The following RARB variants were observed in gnomAD, a reference collection of about 807,000 sequenced individuals.
RARB encodes retinoic acid receptor beta, also known as HBV-activated protein.
RARB carries 17 observed loss-of-function variants against 51.9 expected under a neutral mutation model. The ratio of observed to expected loss-of-function variants is 0.33; its 90% CI spans 0.22 to 0.49. RARB has a LOEUF of 0.49. Ranked by LOEUF, RARB falls within the 20% of genes least tolerant of loss-of-function variation. The pLI is 0.99. For missense variants in RARB, 369 were observed against 550.8 expected, an observed-to-expected ratio of 0.67 and a Z score of 3.30; for synonymous variants, 215 against 195.4, an observed-to-expected ratio of 1.10 and a Z score of -0.84.
chr3:25,162,451 A>T (rs1700488358), intron 4 of RARB, among the ~76,000 whole-genome samples: 1 of 152,088 alleles, frequency 6.6e-6, no homozygotes. Context: ...AACAACATTC[A>T]CCATTTTAAG....
chr3:25,560,969 G>A (rs1410244069), intron 3 of RARB, among the ~76,000 whole-genome samples: 1 of 152,124 alleles, frequency 6.6e-6, no homozygotes, highest in Non-Finnish European at 1.5e-5. Flanking sequence ...TTGCAATCAT[G>A]TATATATCTA....
chr3:25,317,864 A>G (rs1460450989), intron 5 of RARB, among the ~76,000 whole-genome samples: 2 of 152,180 alleles, frequency 1.3e-5, no homozygotes, highest in Non-Finnish European at 2.9e-5. Flanking sequence ...TACACTATGA[A>G]TCACATGTGC....
intron 3 of RARB, chr3:25,555,716 G>A (rs1397740423): frequency 6.6e-6 from 1 of 152,130 alleles, no homozygotes; most frequent in Admixed American, 6.5e-5. Flanking sequence ...TGTCTTACTG[G>A]TACTGATCTT....
intron 3 of RARB, among the ~76,000 whole-genome samples, chr3:25,061,841 AAG>A (rs1267248650): frequency 5.9e-5 from 9 of 151,800 alleles, no homozygotes; most frequent in African/African-American, 2.2e-4. Flanking sequence ...TTTTTGAAAA[AAG>A]AACTTACCCA....
intron 2 of RARB, among the ~76,000 whole-genome samples, chr3:24,913,400 CTCTTTTTTT>C (rs1695041374): frequency 7.5e-6 from 1 of 132,530 alleles, no homozygotes; most frequent in East Asian, 2.2e-4. Context: ...CTCTCTCTCT[CTCTTTTTTT>C]TTTTTTTTTT....
intron 5 of RARB, among the ~76,000 whole-genome samples, chr3:25,319,226 C>G (rs1704500589): frequency 6.6e-6 from 1 of 152,168 alleles, no homozygotes; most frequent in South Asian, 2.1e-4. Flanking sequence ...TTCTCACCCT[C>G]TTATCCTGGT....
rs1708348559 is a variant in RARB, at chr3:25,434,546, C to CCT, written c.157+5658_157+5659insCT. Among the ~76,000 whole-genome samples, 82 of 57,546 alleles carry CCT rather than the reference C, an allele frequency of 1.4e-3. 1 individual carries two copies. The highest frequency in any genetic ancestry group is 5.2e-3 in the South Asian group (8 of 1,544). 37.8% of individuals were successfully genotyped at this position (57,546 alleles called of 152,430 possible). A position where few individuals can be genotyped will look rare whatever the true frequency, so the allele number is the denominator to read the frequency against. On this transcript the variant is annotated intron_variant, in intron 1 of 7. Coordinates refer to ENST00000330688, the MANE Select transcript of RARB (RefSeq NM_000965.5). ...TGGTACTCCTTTTTTTTTTTTTTTTCTTTTTTTTTTTTTGAGATGGAGTCT... is the reference window on the plus strand; with the variant it reads ...TGGTACTCCTTTTTTTTTTTTTTTTCCTTTTTTTTTTTTTTGAGATGGAGTCT...
intron 4 of RARB, among the ~76,000 whole-genome samples, chr3:25,150,958 G>A (rs180851460): frequency 9.8e-5 from 15 of 152,314 alleles, no homozygotes; most frequent in East Asian, 3.9e-4. Context: ...TGTGATATAC[G>A]TTGGGGGTGA....
At chr3:25,373,926 T>C (rs552030075) in intron 5 of RARB, among the ~76,000 whole-genome samples, 2 of 152,306 alleles carry the variant, frequency 1.3e-5, no homozygotes, top group Admixed American at 1.3e-4. Flanking sequence ...CAGAGCAGTG[T>C]CTGGCTAGAT....
At chr3:25,143,465 A>C (rs1603981) in intron 4 of RARB, among the ~76,000 whole-genome samples, 37 of 152,164 alleles carry the variant, frequency 2.4e-4, no homozygotes, top group Non-Finnish European at 4.7e-4. Flanking sequence ...CCCGATCCAA[A>C]AGATGATGAG....
At chr3:25,005,605 A>G (rs557714035) in intron 2 of RARB, among the ~76,000 whole-genome samples, 1 of 152,276 alleles carries the variant, frequency 6.6e-6, no homozygotes, top group South Asian at 2.1e-4. Context: ...AATATTGTTT[A>G]TGACCTAGCC....
Position 25,391,558 on chromosome 3 carries a change from C to A in RARB, c.179-69635C>A, listed in dbSNP as rs74821780. On this transcript the variant is annotated intron_variant, in intron 5 of 11. Coordinates refer to the RARB transcript ENST00000383772. ...TTTGCCACATCCATACCAGCATCTA[C>A]TATTTTTATGTTTTAATTATGATTC... 3.5e-3 allele frequency among the ~76,000 whole-genome samples: 531 copies of A among 152,074 alleles called. 27 individuals carry two copies. In the East Asian group the frequency reaches 0.087, roughly 25 times the overall value.
rs1314606493 is a variant in RARB at position 25,398,421 on chromosome 3, T to C, written c.179-62772T>C. Among the ~76,000 whole-genome samples the C allele has an allele frequency of 5.0e-4, 76 of 152,304 alleles. 2 individuals carry two copies. The highest frequency in any genetic ancestry group is 1.5e-4 in the Non-Finnish European group (10 of 68,002). On this transcript the variant is annotated intron_variant, in intron 5 of 11. Coordinates refer to the RARB transcript ENST00000383772. ...TTTAATATATCAGCTTTCACAAAGA[T>C]AGACGGTATCACTAAGACAAAACAA...
chr3:25,174,473 C>T (rs751173020), exon 5 of RARB: 2 of 1,352,160 alleles, frequency 1.5e-6, no homozygotes, highest in Non-Finnish European at 2.0e-6. Context: ...CACACCCTAC[C>T]CGTTACTCTT....
chr3:25,509,557 G>A (rs1217003909), intron 3 of RARB, among the ~76,000 whole-genome samples: 1 of 152,174 alleles, frequency 6.6e-6, no homozygotes, highest in Non-Finnish European at 1.5e-5. Flanking sequence ...TTGCAAGCAT[G>A]GTTTCTAAAA....
At chr3:24,971,309 C>A (rs1696393234) in intron 2 of RARB, among the ~76,000 whole-genome samples, 1 of 151,890 alleles carries the variant, frequency 6.6e-6, no homozygotes, top group Non-Finnish European at 1.5e-5. Context: ...TAGCTATTTA[C>A]TTTTTCCTTG....
At chr3:25,122,281 A>G (rs558598913) in intron 3 of RARB, among the ~76,000 whole-genome samples, 3 of 152,218 alleles carry the variant, frequency 2.0e-5, no homozygotes, top group Admixed American at 1.3e-4. Context: ...GACAAATTGT[A>G]TTAGTAATGA....
chr3:25,170,531 C>T (rs1205703830), intron 4 of RARB, among the ~76,000 whole-genome samples: 1 of 152,104 alleles, frequency 6.6e-6, no homozygotes, highest in African/African-American at 2.4e-5. Context: ...TTGAGAATCA[C>T]TGATCTAAAG....
intron 5 of RARB, among the ~76,000 whole-genome samples, chr3:25,348,796 G>A (rs1026888189): frequency 2.6e-5 from 4 of 152,120 alleles, no homozygotes; most frequent in Non-Finnish European, 5.9e-5. Context: ...ACTTGAGTAC[G>A]CATCCAAGCC....
Sources: allele counts gnomAD v4.1 joint callset (sites outside exome capture counted in the v4.1 genomes callset), GRCh38; gene constraint gnomAD v4.1.1; transcripts MANE v1.5; gene names NCBI Gene and HGNC (gene_info 2026-07-23, HGNC 2026-07-21).